Variants in TNKS observed in about 807,000 individuals in gnomAD.
TNKS encodes the protein tankyrase, also known as poly [ADP-ribose] polymerase tankyrase-1.
Under a neutral mutation model 135.8 loss-of-function variants are expected in TNKS, and 72 were observed. That is an observed-to-expected ratio of 0.53 (90% CI 0.44 to 0.64). TNKS has a LOEUF of 0.64. Ranked by LOEUF, TNKS falls within the 30% of genes least tolerant of loss-of-function variation. TNKS has a pLI of 0.00. For missense variants in TNKS, 1,769 were observed against 1,674.0 expected (o/e 1.06, Z -0.99); for synonymous variants, 849 against 649.3 (o/e 1.31, Z -4.68).
chr8:9,586,737 G>A (rs1366517496), intron 2 of TNKS, among the ~76,000 whole-genome samples: 1 of 135,870 alleles, frequency 7.4e-6, no homozygotes, highest in Admixed American at 7.1e-5. Flanking sequence ...GTGTGTGTGT[G>A]TGTGTGTGTG....
chr8:9,755,373 A>G (rs960508811), intron 20 of TNKS, among the ~76,000 whole-genome samples: 1 of 152,168 alleles, frequency 6.6e-6, no homozygotes, highest in African/African-American at 2.4e-5. Context: ...AATAATTTCT[A>G]TAGCCTTTTA....
At chr8:9,746,545 ATAT>A (rs1191998455) in intron 17 of TNKS, among the ~76,000 whole-genome samples, 1 of 151,972 alleles carries the variant, frequency 6.6e-6, no homozygotes, top group Admixed American at 6.6e-5. Flanking sequence ...CTTTTCCAAA[ATAT>A]TGTTGTTTTC....
chr8:9,747,007 C>T (rs939020214), intron 17 of TNKS, among the ~76,000 whole-genome samples: 6 of 150,922 alleles, frequency 4.0e-5, no homozygotes, highest in African/African-American at 9.8e-5. Context: ...CTCAGCCTCC[C>T]GAGTAGCTTG....
intron 2 of TNKS, among the ~76,000 whole-genome samples, chr8:9,609,918 C>G (rs1056104203): frequency 1.3e-5 from 2 of 152,186 alleles, no homozygotes; most frequent in African/African-American, 4.8e-5. Context: ...AGTGCAGTGG[C>G]ACAATCTCAG....
intron 3 of TNKS, among the ~76,000 whole-genome samples, chr8:9,662,505 A>C (rs1377578188): frequency 2.0e-5 from 3 of 152,138 alleles, no homozygotes; most frequent in Admixed American, 6.5e-5. Context: ...ACAAAAAACC[A>C]AACACCGTAT....
At chr8:9,698,858 A>C (rs1563174913) in intron 5 of TNKS, among the ~76,000 whole-genome samples, 1 of 152,228 alleles carries the variant, frequency 6.6e-6, no homozygotes, top group Non-Finnish European at 1.5e-5. Flanking sequence ...TATAGCCTGA[A>C]TCCAAGAAGA....
At chr8:9,698,373 TGAAAAAA>T (rs1304053359) in intron 5 of TNKS, among the ~76,000 whole-genome samples, 1 of 12,282 alleles carries the variant, frequency 8.1e-5, no homozygotes, top group Non-Finnish European at 1.8e-4. Context: ...AATTTTAAAA[TGAAAAAA>T]AAAAAAAAAA....
At chr8:9,755,778 C>G (rs943329931) in intron 20 of TNKS, among the ~76,000 whole-genome samples, 5 of 152,140 alleles carry the variant, frequency 3.3e-5, no homozygotes, top group Non-Finnish European at 7.4e-5. Context: ...TGCCTGTGTT[C>G]CTACTCATGG....
chr8:9,624,914 GTTATAC>G (rs1012255420), intron 3 of TNKS, among the ~76,000 whole-genome samples: 1 of 151,968 alleles, frequency 6.6e-6, no homozygotes, highest in African/African-American at 2.4e-5. Flanking sequence ...AAGTAGTTTT[GTTATAC>G]TATATTTTAT....
chr8:9,722,539 T>C (rs34217633), intron 12 of TNKS: 1 of 148,432 alleles, frequency 6.7e-6, no homozygotes, highest in East Asian at 2.0e-4. Flanking sequence ...TCTATATAAA[T>C]TTCAAGCTTG....
At chr8:9,575,589 G>C (rs1183588208) in intron 1 of TNKS, among the ~76,000 whole-genome samples, 1 of 152,158 alleles carries the variant, frequency 6.6e-6, no homozygotes, top group Non-Finnish European at 1.5e-5. Flanking sequence ...TGTAGGAACA[G>C]TACAGAAATA....
rs1808369069 is a variant in TNKS, at chr8:9,779,384, G to A, written c.*2648G>A. The A allele has an allele frequency of 6.6e-6, 1 of 152,192 alleles. No homozygotes were observed. The highest frequency in any genetic ancestry group is 2.4e-5 in the African/African-American group (1 of 41,404). 9.4% of individuals were successfully genotyped at this position (152,192 alleles called of 1,614,324 possible). On this transcript the variant is annotated 3_prime_UTR_variant, in exon 27 of 27. Coordinates refer to ENST00000310430, the MANE Select transcript of TNKS (RefSeq NM_003747.3). ...CTAGCAAGTTAGGATCATCCAATATGGCCTACCCCGAAATGGCCCCTCTGT... is the reference window on the plus strand; with the variant it reads ...CTAGCAAGTTAGGATCATCCAATATAGCCTACCCCGAAATGGCCCCTCTGT...
chr8:9,565,773 C>T (rs1308672500), intron 1 of TNKS, among the ~76,000 whole-genome samples: 2 of 151,998 alleles, frequency 1.3e-5, no homozygotes, highest in African/African-American at 4.8e-5. Flanking sequence ...AGGAGAATGG[C>T]GTGAACCCCG....
rs1165503377 is a variant in TNKS at position 9,747,091 on chromosome 8, C to G, written c.2644-933C>G. ...AGGGACGGGGTTTCACTATGTTGGC[C>G]AGGCTGGTCTCGAACTCCTGACCTC... is the stretch of plus-strand genomic sequence containing the variant. On this transcript the variant is annotated intron_variant, in intron 17 of 26. Transcript: ENST00000310430. 2.0e-5 allele frequency among the ~76,000 whole-genome samples: 3 copies of G among 151,916 alleles called. No individual in the cohort carries two copies. The South Asian group carries it at 6.3e-4, about 32-fold the overall frequency.
intron 11 of TNKS, among the ~76,000 whole-genome samples, chr8:9,717,822 G>C (rs558473017): frequency 6.6e-6 from 1 of 152,138 alleles, no homozygotes; most frequent in Non-Finnish European, 1.5e-5. Context: ...TTTATATTCA[G>C]AGGAATAAAC....
At chr8:9,736,337 G>A (rs1350825897) in intron 17 of TNKS, among the ~76,000 whole-genome samples, 1 of 126,206 alleles carries the variant, frequency 7.9e-6, no homozygotes, top group Non-Finnish European at 1.6e-5. Flanking sequence ...GATCAACATA[G>A]TGAGACCTCA....
chr8:9,597,700 A>G (rs1798843387), intron 2 of TNKS, among the ~76,000 whole-genome samples: 2 of 152,180 alleles, frequency 1.3e-5, no homozygotes, highest in Admixed American at 1.3e-4. Flanking sequence ...TTTAAAGCAG[A>G]TTACTCATGA....
At chr8:9,684,491 C>G (rs950900398) in intron 5 of TNKS, among the ~76,000 whole-genome samples, 2 of 151,948 alleles carry the variant, frequency 1.3e-5, no homozygotes, top group African/African-American at 4.8e-5. Context: ...TCTTTATCCC[C>G]TTCCAAAATA....
chr8:9,624,017 AAACAACAAC>A (rs570130310), intron 3 of TNKS, among the ~76,000 whole-genome samples: 3 of 139,236 alleles, frequency 2.2e-5, no homozygotes, highest in Non-Finnish European at 3.2e-5. Flanking sequence ...AAAAAAGGAA[AAACAACAAC>A]AACAACAACA....
Sources: allele counts gnomAD v4.1 joint callset (sites outside exome capture counted in the v4.1 genomes callset), GRCh38; gene constraint gnomAD v4.1.1; transcripts MANE v1.5; gene names NCBI Gene and HGNC (gene_info 2026-07-23, HGNC 2026-07-21).